MTBP: variants seen among roughly 807,000 people sequenced by gnomAD.
The protein encoded by MTBP is mdm2-binding protein.
MTBP carries 101 observed loss-of-function variants against 117.0 expected under a neutral mutation model. The ratio of observed to expected loss-of-function variants is 0.86; its 90% CI spans 0.73 to 1.02. The LOEUF (loss-of-function observed/expected upper bound fraction) is 1.02. MTBP is among the 50% of genes least tolerant of loss of function. The pLI is 0.00. For missense variants in MTBP, 970 were observed against 1,030.9 expected, an observed-to-expected ratio of 0.94 and a Z score of 0.81; for synonymous variants, 350 against 351.5, an observed-to-expected ratio of 1.00 and a Z score of 0.05.
At chr8:120,455,629 C>T (rs1487807326) in intron 6 of MTBP, 50 bp downstream of exon 6, 1 of 1,522,158 alleles carries the variant, frequency 6.6e-7, no homozygotes, top group Admixed American at 1.7e-5. Flanking sequence ...TCTGTTTTCA[C>T]AATTAACATA....
chr8:120,517,836 T>A lies in MTBP; in HGVS notation c.2247-15T>A. The stretch of plus-strand genomic sequence containing the variant: ...GCTTAATCTACGTTCTTGATTTTTT[T>A]CCCCTGCTATATAGACTTGTGAAAT... On this transcript the variant is annotated splice_polypyrimidine_tract_variant and intron_variant, in intron 18 of 21. Coordinates refer to ENST00000305949, the MANE Select transcript of MTBP (RefSeq NM_022045.5). 1 of 1,596,808 alleles carries A rather than the reference T, an allele frequency of 6.3e-7. No individual in the cohort carries two copies. Among genetic ancestry groups the A allele is most frequent in the South Asian group, 1.1e-5 (1 of 88,404 alleles).
At chr8:120,457,145 AAC>A (rs985930212) in intron 7 of MTBP, among the ~76,000 whole-genome samples, 29 of 152,222 alleles carry the variant, frequency 1.9e-4, no homozygotes, top group African/African-American at 7.0e-4. Flanking sequence ...TCAGATTTTG[AAC>A]AAATTTTTTT....
At chr8:120,519,458 G>A (rs1213887051) in intron 20 of MTBP, among the ~76,000 whole-genome samples, 1 of 151,980 alleles carries the variant, frequency 6.6e-6, no homozygotes, top group Non-Finnish European at 1.5e-5. Context: ...ACATTGGACA[G>A]GTCAGTCACT....
At chr8:120,476,286 C>G (rs534682238) in intron 11 of MTBP, among the ~76,000 whole-genome samples, 1 of 152,064 alleles carries the variant, frequency 6.6e-6, no homozygotes, top group African/African-American at 2.4e-5. Flanking sequence ...ATGACAAACC[C>G]GTAGCCAATA....
At position 120,463,672 on chromosome 8, in the gene MTBP, T is replaced by A; in HGVS notation, c.978-20T>A. The A allele has an allele frequency of 3.2e-6, 5 of 1,569,984 alleles. No homozygotes were observed. Among genetic ancestry groups the A allele is most frequent in the Non-Finnish European group, 4.3e-6 (5 of 1,152,894 alleles). ...GTTTCATGGGTACCATTACATCATT[T>A]CTTTAACTCCTTAGTACAGAGGATT... On this transcript the variant is annotated intron_variant, in intron 9 of 21. Coordinates refer to ENST00000305949, the MANE Select transcript of MTBP (RefSeq NM_022045.5).
intron 8 of MTBP, 59 bp from the exon 9 acceptor site, chr8:120,461,102 A>G (rs1813573224): frequency 2.4e-6 from 3 of 1,248,904 alleles, no homozygotes; most frequent in African/African-American, 3.0e-5. Context: ...CTTAATCACT[A>G]ATTTGTTTAC....
At chr8:120,449,540 T>A (rs1813294711) in intron 2 of MTBP, among the ~76,000 whole-genome samples, 1 of 152,116 alleles carries the variant, frequency 6.6e-6, no homozygotes, top group African/African-American at 2.4e-5. Context: ...AAAACCCAAT[T>A]ATTTTTGCAC....
chr8:120,470,974 G>A (rs747064676), intron 11 of MTBP, 37 bp downstream of exon 11: 2 of 1,338,020 alleles, frequency 1.5e-6, no homozygotes, highest in South Asian at 1.2e-5. Flanking sequence ...TAATGATGCA[G>A]CATAGTTAAT....
chr8:120,466,158 A>T (rs1017315907), intron 10 of MTBP, among the ~76,000 whole-genome samples: 2 of 151,738 alleles, frequency 1.3e-5, no homozygotes, highest in African/African-American at 4.8e-5. Context: ...AACAAATCTA[A>T]ATATGAAGTA....
At chr8:120,481,366 T>C (rs2130567904) in intron 11 of MTBP, among the ~76,000 whole-genome samples, 1 of 152,342 alleles carries the variant, frequency 6.6e-6, no homozygotes. Context: ...CAAAGGCTTA[T>C]ATGCAGGTGT....
At chr8:120,523,244 A>G (rs1226644531) in intron 21 of MTBP, 54 bp from the exon 22 acceptor site, 9 of 1,175,164 alleles carry the variant, frequency 7.7e-6, no homozygotes, top group South Asian at 1.4e-5. Flanking sequence ...ATATTTTTCT[A>G]TTACTTGTGT....
intron 4 of MTBP, 60 bp from the exon 5 acceptor site, chr8:120,453,787 A>G (rs1409672057): frequency 1.3e-6 from 1 of 763,650 alleles, no homozygotes; most frequent in Non-Finnish European, 2.1e-6. Context: ...ATTACCTATT[A>G]TGATTATATA....
intron 2 of MTBP, among the ~76,000 whole-genome samples, chr8:120,447,926 A>AT (rs59081966): frequency 0.53 from 79,265 of 149,602 alleles, 24,066 homozygotes; most frequent in Non-Finnish European, 0.67. Context: ...TTATTCTTCG[A>AT]TTTTTTTTTT....
Position 120,456,585 on chromosome 8 carries a change from C to A in MTBP, c.662C>A (p.Ala221Asp). 6.3e-7 allele frequency: 1 copy of A among 1,591,134 alleles called. No individual in the cohort carries two copies. Among genetic ancestry groups the A allele is most frequent in the Non-Finnish European group, 8.6e-7 (1 of 1,165,108 alleles). The change falls in exon 7 of 22, where the codon GCT (alanine) becomes GAT (aspartate). Residue 221 changes from alanine to aspartate, a missense_variant. Ala to Asp is a moderately radical substitution (Grantham distance 126, BLOSUM62 -2). Transcript: ENST00000305949. ...CAGAAAATTGCAGAATACCTTTCTG[C>A]TAATGTTGTATCTTTAGAAGATCTC... Reference protein sequence around the residue: ...NCQKIAEYLSANVVSLEDLRN... With the variant: ...NCQKIAEYLSDNVVSLEDLRN...
intron 13 of MTBP, among the ~76,000 whole-genome samples, chr8:120,496,174 A>G (rs1317284177): frequency 1.3e-5 from 2 of 152,294 alleles, no homozygotes; most frequent in African/African-American, 4.8e-5. Flanking sequence ...GTCTGCAGAG[A>G]AAATACATCC....
chr8:120,520,568 G>A (rs7464526), intron 20 of MTBP, among the ~76,000 whole-genome samples: 84,222 of 151,966 alleles, frequency 0.55, 25,536 homozygotes, highest in Non-Finnish European at 0.67. Flanking sequence ...GCTTGTCCAA[G>A]CCAATGAATG....
At chr8:120,446,864 C>CATTT (rs748199086) in intron 2 of MTBP, among the ~76,000 whole-genome samples, 10 of 152,054 alleles carry the variant, frequency 6.6e-5, no homozygotes, top group East Asian at 5.8e-4. Flanking sequence ...ATTTCCTTAC[C>CATTT]ATTTATTTAT....
chr8:120,496,854 T>C (rs1179005599), intron 13 of MTBP, among the ~76,000 whole-genome samples: 1 of 152,192 alleles, frequency 6.6e-6, no homozygotes, highest in East Asian at 1.9e-4. Flanking sequence ...CTTATACTCC[T>C]CGGTAGTGCC....
At chr8:120,446,670 A>G (rs554040028) in intron 2 of MTBP, among the ~76,000 whole-genome samples, 157 bp downstream of exon 2, 111 of 152,306 alleles carry the variant, frequency 7.3e-4, no homozygotes, top group Middle Eastern at 6.8e-3. Flanking sequence ...CTGAAAAATA[A>G]ATTACCCCTT....
Sources: allele counts gnomAD v4.1 joint callset (sites outside exome capture counted in the v4.1 genomes callset), GRCh38; gene constraint gnomAD v4.1.1; transcripts MANE v1.5; gene names NCBI Gene and HGNC (gene_info 2026-07-23, HGNC 2026-07-21).